ARHGEF38: variants seen among roughly 807,000 people sequenced by gnomAD.
ARHGEF38 encodes the protein Rho guanine nucleotide exchange factor (GEF) 38.
In ARHGEF38, 79 loss-of-function variants were observed where a neutral mutation model predicts 79.9. The ratio of observed to expected loss-of-function variants is 0.99; its 90% CI spans 0.82 to 1.19. The LOEUF (loss-of-function observed/expected upper bound fraction) is 1.19. Among genes scored for constraint, ARHGEF38 ranks in the 50% most tolerant of loss-of-function variants. The probability of loss-of-function intolerance (pLI) is 0.00; values close to 1 mark genes in which losing one functional copy is unlikely to be tolerated. For synonymous variants in ARHGEF38, 366 were observed against 328.3 expected, an observed-to-expected ratio of 1.11 and a Z score of -1.24; for missense variants, 962 against 907.2, an observed-to-expected ratio of 1.06 and a Z score of -0.78.
chr4:105,596,332 C>A (rs566353712), intron 2 of ARHGEF38, among the ~76,000 whole-genome samples: 89 of 152,250 alleles, frequency 5.8e-4, no homozygotes, highest in Non-Finnish European at 8.2e-4. Flanking sequence ...GGAAGGCACT[C>A]CAGGGCTCAG....
At chr4:105,554,979 A>C (rs1457356679) in intron 1 of ARHGEF38, among the ~76,000 whole-genome samples, 1 of 152,120 alleles carries the variant, frequency 6.6e-6, no homozygotes, top group Non-Finnish European at 1.5e-5. Flanking sequence ...TTCAGCATCT[A>C]TCAGAGTCTC....
intron 2 of ARHGEF38, among the ~76,000 whole-genome samples, chr4:105,612,124 A>T (rs544299866): frequency 6.6e-6 from 1 of 152,242 alleles, no homozygotes; most frequent in East Asian, 1.9e-4. Flanking sequence ...AGTGGATGGG[A>T]CAATGTCAAA....
At chr4:105,677,691 A>T in intron 13 of ARHGEF38, 61 bp from the exon 14 acceptor site, 1 of 1,332,872 alleles carries the variant, frequency 7.5e-7, no homozygotes, top group Non-Finnish European at 9.7e-7. Flanking sequence ...GGAAACTTTT[A>T]TGATGTTTCT....
At chr4:105,621,546 A>G (rs1342108736) in intron 3 of ARHGEF38, among the ~76,000 whole-genome samples, 1 of 152,160 alleles carries the variant, frequency 6.6e-6, no homozygotes, top group African/African-American at 2.4e-5. Context: ...GTAGTAGGTG[A>G]TGCACTGTTG....
chr4:105,569,592 C>A (rs976078505), intron 1 of ARHGEF38, among the ~76,000 whole-genome samples: 8 of 152,152 alleles, frequency 5.3e-5, no homozygotes. Flanking sequence ...TTGAATTAAG[C>A]AATTTTCATG....
rs114109047 is a variant in ARHGEF38 at position 105,667,302 on chromosome 4, A to C, written c.1863A>C (p.Thr621=). 975 of 1,536,118 alleles carry C rather than the reference A, an allele frequency of 6.3e-4. 4 individuals are homozygous for C. In the African/African-American group the frequency reaches 0.012, roughly 18 times the overall value. ...AACAGAAAGATCCACTGGGGAGTAC[A>C]AGCAGGTGGCTTGTGGACACAGGAA... is the stretch of plus-strand genomic sequence containing the variant. ...VIEQKDPLGS[T]SRWLVDTGNV... Residue 621 remains threonine (T), a synonymous_variant, in exon 12 of 14, where the codon ACA becomes ACC. Transcript: ENST00000420470.
intron 2 of ARHGEF38, among the ~76,000 whole-genome samples, chr4:105,603,227 C>G (rs911402095): frequency 3.3e-5 from 5 of 152,060 alleles, no homozygotes; most frequent in Non-Finnish European, 5.9e-5. Flanking sequence ...TTAATATAAT[C>G]CTCCCAGCAA....
At chr4:105,581,258 C>G (rs1726778102) in intron 1 of ARHGEF38, among the ~76,000 whole-genome samples, 1 of 152,108 alleles carries the variant, frequency 6.6e-6, no homozygotes, top group South Asian at 2.1e-4. Flanking sequence ...GTTTTGGTCA[C>G]TTGGTGGGAG....
At chr4:105,604,501 G>A (rs567991398) in intron 2 of ARHGEF38, among the ~76,000 whole-genome samples, 245 of 151,848 alleles carry the variant, frequency 1.6e-3, no homozygotes, top group Admixed American at 3.3e-3. Flanking sequence ...TTTTGCAAAA[G>A]CATTTCCTCA....
At position 105,554,818 on chromosome 4, in the gene ARHGEF38, G is replaced by A. The variant is rs539635904; in HGVS notation, c.196+1857G>A. Among the ~76,000 whole-genome samples, 11 of 152,146 alleles carry A rather than the reference G, an allele frequency of 7.2e-5. No individual in the cohort carries two copies. In the South Asian group the frequency reaches 2.3e-3, roughly 32 times the overall value. On this transcript the variant is annotated intron_variant, in intron 1 of 13. Transcript: ENST00000420470. The stretch of plus-strand genomic sequence containing the variant: ...TAATGGGTACCATAATGATAAAACA[G>A]AACTTGCCCAATATTAATCGAAGTT...
At chr4:105,589,515 G>T in intron 2 of ARHGEF38, 80 bp downstream of exon 2, 2 of 1,248,724 alleles carry the variant, frequency 1.6e-6, no homozygotes, top group East Asian at 2.5e-5. Flanking sequence ...AAGCACTCAG[G>T]TGTATCAATG....
chr4:105,630,953 C>T lies in ARHGEF38; in HGVS notation c.564C>T (p.Cys188=). 2 of 1,613,432 alleles carry T rather than the reference C, an allele frequency of 1.2e-6. No individual in the cohort carries two copies. The highest frequency in any genetic ancestry group is 1.7e-6 in the Non-Finnish European group (2 of 1,179,730). Residue 188 remains cysteine, a synonymous_variant, in exon 4 of 14, where the codon TGC becomes TGT. Coordinates refer to ENST00000420470, the MANE Select transcript of ARHGEF38 (RefSeq NM_001242729.2). ...GPLEDIYKIY[C]YHHDEAHSIL... Reference sequence around the variant, plus strand: ...TGGAAGATATTTATAAAATCTACTGCTATCACCATGATGAAGCACATAGTA... The same window carrying T: ...TGGAAGATATTTATAAAATCTACTGTTATCACCATGATGAAGCACATAGTA...
chr4:105,560,647 A>C (rs1363025142), intron 1 of ARHGEF38, among the ~76,000 whole-genome samples: 6 of 152,192 alleles, frequency 3.9e-5, no homozygotes, highest in Non-Finnish European at 7.4e-5. Context: ...TTCTTGATTA[A>C]TGAATCAGAG....
At chr4:105,576,842 G>C (rs1195216198) in intron 1 of ARHGEF38, among the ~76,000 whole-genome samples, 1 of 152,034 alleles carries the variant, frequency 6.6e-6, no homozygotes, top group Non-Finnish European at 1.5e-5. Flanking sequence ...GAATTTTATT[G>C]AGTGCTTTTT....
intron 3 of ARHGEF38, among the ~76,000 whole-genome samples, chr4:105,626,025 A>G (rs1412531442): frequency 6.6e-6 from 1 of 152,128 alleles, no homozygotes; most frequent in Non-Finnish European, 1.5e-5. Flanking sequence ...ACACTCTCGC[A>G]TGGCCACATA....
At chr4:105,596,673 T>C (rs879417293) in intron 2 of ARHGEF38, among the ~76,000 whole-genome samples, 1 of 152,240 alleles carries the variant, frequency 6.6e-6, no homozygotes, top group Non-Finnish European at 1.5e-5. Context: ...GCTGTGTTTT[T>C]CATGGCTCTT....
At chr4:105,672,596 A>T (rs545470156) in intron 13 of ARHGEF38, among the ~76,000 whole-genome samples, 1 of 152,182 alleles carries the variant, frequency 6.6e-6, no homozygotes, top group Non-Finnish European at 1.5e-5. Context: ...TTAGTGTTCC[A>T]TGCTGCATAA....
chr4:105,616,909 G>A (rs1278090196), intron 3 of ARHGEF38, among the ~76,000 whole-genome samples: 1 of 152,124 alleles, frequency 6.6e-6, no homozygotes, highest in African/African-American at 2.4e-5. Context: ...ATGCAGCATG[G>A]CTTCTCATTT....
rs185822156 is a variant in ARHGEF38, at chr4:105,657,907, C to G, written c.1234-1147C>G. 3.1e-3 allele frequency among the ~76,000 whole-genome samples: 468 copies of G among 152,164 alleles called. 2 individuals carry two copies. The highest frequency in any genetic ancestry group is 0.011 in the African/African-American group (444 of 41,522). Reference sequence around the variant, plus strand: ...GATACTGATTCCCTAGGATAGCTTTCGGGTTACAAAAGAGAAACCTACTTC... The same window carrying G: ...GATACTGATTCCCTAGGATAGCTTTGGGGTTACAAAAGAGAAACCTACTTC... On this transcript the variant is annotated intron_variant, in intron 9 of 13. Transcript: ENST00000420470.
Sources: allele counts gnomAD v4.1 joint callset (sites outside exome capture counted in the v4.1 genomes callset), GRCh38; gene constraint gnomAD v4.1.1; transcripts MANE v1.5; gene names NCBI Gene and HGNC (gene_info 2026-07-23, HGNC 2026-07-21).